Variants in PCNX2 observed in about 807,000 individuals in gnomAD.
PCNX2 encodes pecanex 2.
A neutral mutation model predicts 223.8 loss-of-function variants in PCNX2; 168 were observed. The ratio of observed to expected loss-of-function variants is 0.75; its 90% CI spans 0.66 to 0.85. The LOEUF (loss-of-function observed/expected upper bound fraction) is 0.85. PCNX2 is among the 40% of genes least tolerant of loss of function. The pLI, the probability that PCNX2 is intolerant of heterozygous loss-of-function variation, is 0.00. For missense variants in PCNX2, 2,507 were observed against 2,675.5 expected (o/e 0.94, Z 1.39); for synonymous variants, 1,006 against 1,052.6 (o/e 0.96, Z 0.86).
At chr1:233,225,231 TTTC>T (rs1268654409) in intron 10 of PCNX2, among the ~76,000 whole-genome samples, 4 of 152,222 alleles carry the variant, frequency 2.6e-5, no homozygotes, top group South Asian at 2.1e-4. Flanking sequence ...ATTTTTAATT[TTTC>T]TTCTTTCTGG....
In PCNX2 at chr1:233,209,635, A is replaced by G. The variant is rs539373276; in HGVS notation, c.2692-946T>C. On this transcript the variant is annotated intron_variant, in intron 12 of 33. Transcript: ENST00000258229. ...TGCAATTTAAATTGCCACTGCTTCTATAATAGAAATCGTCCTATTCTAAGA... is the reference window on the plus strand; with the variant it reads ...TGCAATTTAAATTGCCACTGCTTCTGTAATAGAAATCGTCCTATTCTAAGA... Among the ~76,000 whole-genome samples, 6 of 152,352 alleles carry G rather than the reference A, an allele frequency of 3.9e-5. No individual in the cohort carries two copies. In the South Asian group the frequency reaches 1.2e-3, roughly 32 times the overall value.
chr1:233,224,164 T>C (rs942472985), intron 10 of PCNX2, among the ~76,000 whole-genome samples: 7 of 152,318 alleles, frequency 4.6e-5, no homozygotes, highest in Admixed American at 2.6e-4. Flanking sequence ...GTTGAAATAA[T>C]GCACAGAAGG....
intron 8 of PCNX2, 88 bp from the exon 9 acceptor site, chr1:233,237,068 T>A: frequency 6.5e-7 from 1 of 1,529,610 alleles, no homozygotes; most frequent in South Asian, 1.2e-5. Flanking sequence ...ACAATAGGAA[T>A]GCCCAAAGCA....
At position 233,054,592 on chromosome 1, in the gene PCNX2, T is replaced by C. The variant is rs540146248; in HGVS notation, c.4136-109A>G. 61 of 849,428 alleles carry C rather than the reference T, an allele frequency of 7.2e-5. 1 individual carries two copies. The South Asian group carries it at 1.0e-3, about 15-fold the overall frequency. 52.6% of individuals were successfully genotyped at this position (849,428 alleles called of 1,614,324 possible). ...ATTAAGGGTAAAATCAGACTCTTTATATACATAAAAGAGGAAAGATGTGTT... is the reference window on the plus strand; with the variant it reads ...ATTAAGGGTAAAATCAGACTCTTTACATACATAAAAGAGGAAAGATGTGTT... On this transcript the variant is annotated intron_variant, in intron 24 of 33. Transcript: ENST00000258229.
intron 1 of PCNX2, among the ~76,000 whole-genome samples, chr1:233,284,385 C>A (rs1384208253): frequency 6.6e-6 from 1 of 152,044 alleles, no homozygotes; most frequent in Non-Finnish European, 1.5e-5. Flanking sequence ...ACATGCTGTT[C>A]CCCTTGCTTA....
At chr1:233,310,478 T>C in the PCNX2 span, among the ~76,000 whole-genome samples, 1,603 of 152,296 alleles carry the variant, frequency 0.011, 28 homozygotes, top group African/African-American at 0.036. Flanking sequence ...TGAAGAATAA[T>C]GCGGACCACA....
At chr1:233,229,499 C>G (rs1178104861) in intron 9 of PCNX2, among the ~76,000 whole-genome samples, 1 of 152,092 alleles carries the variant, frequency 6.6e-6, no homozygotes, top group African/African-American at 2.4e-5. Flanking sequence ...TTCCTTGAAG[C>G]CACATGGACA....
At chr1:233,240,953 C>A (rs561029309) in intron 8 of PCNX2, among the ~76,000 whole-genome samples, 1 of 152,196 alleles carries the variant, frequency 6.6e-6, no homozygotes, top group Non-Finnish European at 1.5e-5. Flanking sequence ...AGTTTAAAGA[C>A]GATAGCCTAT....
At chr1:233,235,364 C>T (rs1448657655) in intron 9 of PCNX2, among the ~76,000 whole-genome samples, 1 of 152,138 alleles carries the variant, frequency 6.6e-6, no homozygotes, top group Non-Finnish European at 1.5e-5. Flanking sequence ...TAGCTCACTG[C>T]AGCCTTGAAC....
At chr1:233,134,820 A>C (rs766162521) in intron 21 of PCNX2, 193 bp downstream of exon 21, 10 of 583,348 alleles carry the variant, frequency 1.7e-5, no homozygotes, top group Non-Finnish European at 2.1e-5. Context: ...ATTTTTAGCA[A>C]ATAACATGGC....
At chr1:233,273,148 A>T (rs1412452109) in intron 1 of PCNX2, among the ~76,000 whole-genome samples, 2 of 86,690 alleles carry the variant, frequency 2.3e-5, no homozygotes, top group Non-Finnish European at 2.4e-5. Context: ...CTATGGAAAT[A>T]AAAAAAAATC....
In PCNX2 at chr1:232,984,219, G is replaced by C; in HGVS notation, c.*85C>G. On this transcript the variant is annotated 3_prime_UTR_variant, in exon 34 of 34. Coordinates refer to ENST00000258229, the MANE Select transcript of PCNX2 (RefSeq NM_014801.4). The stretch of plus-strand genomic sequence containing the variant: ...CCCTCATGGATCGCGGTATTGGTTG[G>C]TTGTGGTGATTTGGGGAGCACGAGG... The C allele has an allele frequency of 2.3e-6, 3 of 1,282,460 alleles. No homozygotes were observed. The highest frequency in any genetic ancestry group is 3.0e-6 in the Non-Finnish European group (3 of 985,758). The allele number at this position is 1,282,460 out of a possible 1,614,324, so 79.4% of individuals were successfully genotyped here.
chr1:233,298,914 CTAAG>C (rs1304735917), upstream of PCNX2, among the ~76,000 whole-genome samples: 2 of 148,486 alleles, frequency 1.3e-5, no homozygotes, highest in Non-Finnish European at 3.0e-5. Flanking sequence ...AAACAAAAAA[CTAAG>C]TATGCTTCTT....
rs896663507 is a variant in PCNX2 at position 233,051,637 on chromosome 1, C to A, written c.4351+2631G>T. On this transcript the variant is annotated intron_variant, in intron 25 of 33. Transcript: ENST00000258229. Reference sequence around the variant, plus strand: ...AGATGTTCTCACTTATAAAAGGGAGCTAAACGTTTGGTACTAATGGACATA... The same window carrying A: ...AGATGTTCTCACTTATAAAAGGGAGATAAACGTTTGGTACTAATGGACATA... 7.2e-4 allele frequency among the ~76,000 whole-genome samples: 109 copies of A among 152,100 alleles called. 1 individual carries two copies. Among genetic ancestry groups the A allele is most frequent in the Admixed American group, 6.7e-3 (102 of 15,262 alleles).
At chr1:233,183,511 G>A (rs147520204) in intron 15 of PCNX2, among the ~76,000 whole-genome samples, 69 of 152,238 alleles carry the variant, frequency 4.5e-4, no homozygotes, top group African/African-American at 1.6e-3. Context: ...GAAATGCTGC[G>A]GAAGTGATGA....
intron 5 of PCNX2, among the ~76,000 whole-genome samples, chr1:233,254,935 T>C (rs935415484): frequency 6.6e-6 from 1 of 152,184 alleles, no homozygotes; most frequent in African/African-American, 2.4e-5. Context: ...CATTTCTATA[T>C]ACATTCATGA....
At chr1:233,106,553 C>T (rs550893551) in intron 21 of PCNX2, among the ~76,000 whole-genome samples, 27 of 151,980 alleles carry the variant, frequency 1.8e-4, no homozygotes, top group African/African-American at 5.5e-4. Flanking sequence ...GGGGTTTCAC[C>T]GTGTTAGTCA....
At chr1:233,251,525 G>T (rs1048333380) in intron 7 of PCNX2, among the ~76,000 whole-genome samples, 2 of 152,164 alleles carry the variant, frequency 1.3e-5, no homozygotes, top group African/African-American at 4.8e-5. Flanking sequence ...GCTGGAAGGT[G>T]GCCCTCCAAC....
chr1:233,046,735 A>G (rs1231871426), intron 25 of PCNX2, among the ~76,000 whole-genome samples: 1 of 152,154 alleles, frequency 6.6e-6, no homozygotes, highest in Non-Finnish European at 1.5e-5. Context: ...TATCTTGGGG[A>G]TGGCTACATC....
Sources: allele counts gnomAD v4.1 joint callset (sites outside exome capture counted in the v4.1 genomes callset), GRCh38; gene constraint gnomAD v4.1.1; transcripts MANE v1.5; gene names NCBI Gene and HGNC (gene_info 2026-07-23, HGNC 2026-07-21).